MTARC2: variants seen among roughly 807,000 people sequenced by gnomAD.
The protein encoded by MTARC2 is mitochondrial amidoxime reducing component 2, also known as MOCO sulphurase C-terminal domain containing 2.
Under a neutral mutation model 35.6 loss-of-function variants are expected in MTARC2, and 27 were observed. That is an observed-to-expected ratio of 0.76 (90% CI 0.56 to 1.04). MTARC2 has a LOEUF of 1.04. Ranked by LOEUF, MTARC2 falls within the 50% of genes least tolerant of loss-of-function variation. The pLI is 0.00. For synonymous variants in MTARC2, 158 were observed against 167.1 expected (o/e 0.95, Z 0.42); for missense variants, 412 against 432.5 (o/e 0.95, Z 0.42).
At chr1:220,767,542 C>A (rs900429462) in intron 4 of MTARC2, among the ~76,000 whole-genome samples, 1 of 152,154 alleles carries the variant, frequency 6.6e-6, no homozygotes, top group Admixed American at 6.5e-5. Context: ...GGGAATGCAG[C>A]AAAATGAAGT....
intron 4 of MTARC2, among the ~76,000 whole-genome samples, chr1:220,769,078 CT>C (rs1427891821): frequency 1.3e-5 from 2 of 152,192 alleles, no homozygotes; most frequent in East Asian, 3.8e-4. Flanking sequence ...AACAGAACTC[CT>C]TTACTTAAGG....
At chr1:220,774,273 T>C (rs1671830332) in intron 4 of MTARC2, among the ~76,000 whole-genome samples, 1 of 152,118 alleles carries the variant, frequency 6.6e-6, no homozygotes, top group Admixed American at 6.5e-5. Flanking sequence ...TATCATGTTG[T>C]CTAGACTGGG....
rs942900110 is a variant in MTARC2, at chr1:220,754,409, G to A, written c.273-538G>A. ...GGAAAGGCTGTTTGGGAGGTTTCCT[G>A]ATGTAGGACCCCCGCATGCCGCGGC... On this transcript the variant is annotated intron_variant, in intron 1 of 7. Coordinates refer to ENST00000366913, the MANE Select transcript of MTARC2 (RefSeq NM_017898.5). 5.5e-5 allele frequency: 25 copies of A among 456,208 alleles called. No homozygotes were observed. In the Admixed American group the frequency reaches 5.9e-4, roughly 11 times the overall value. 28.3% of individuals were successfully genotyped at this position (456,208 alleles called of 1,614,324 possible). A position where few individuals can be genotyped will look rare whatever the true frequency, so the allele number is the denominator to read the frequency against.
chr1:220,770,476 G>A (rs1024489445), intron 4 of MTARC2: 3 of 985,304 alleles, frequency 3.0e-6, no homozygotes, highest in African/African-American at 1.7e-5. Flanking sequence ...CCCTTGTAAG[G>A]AGAGGTCATT....
At chr1:220,756,474 G>A (rs541062828) in intron 2 of MTARC2, 2 of 152,292 alleles carry the variant, frequency 1.3e-5, no homozygotes, top group Admixed American at 1.3e-4. Context: ...CTTTACAAAC[G>A]AGGAAACCAC....
chr1:220,763,644 T>C (rs1671500617), intron 4 of MTARC2, among the ~76,000 whole-genome samples: 1 of 152,142 alleles, frequency 6.6e-6, no homozygotes, highest in Admixed American at 6.5e-5. Context: ...GTATGTGATA[T>C]ATATATAGCT....
At chr1:220,778,518 T>C (rs1275859785) in intron 4 of MTARC2, among the ~76,000 whole-genome samples, 1 of 152,142 alleles carries the variant, frequency 6.6e-6, no homozygotes, top group South Asian at 2.1e-4. Flanking sequence ...AAACCATTCA[T>C]GAAAGATCCA....
At position 220,754,997 on chromosome 1, in the gene MTARC2, A is replaced by C. The variant is rs1201440122; in HGVS notation, c.323A>C (p.Glu108Ala). The stretch of plus-strand genomic sequence containing the variant: ...GGACACATGGTCACTGCCCGACAGG[A>C]GCCTCGCCTCGTGCTCATCTCCATC... ...EDGHMVTARQ[E>A]PRLVLISIIY... is the part of the protein sequence containing the mutation. The change falls in exon 2 of 8, where the codon GAG becomes GCG. Residue 108 changes from glutamate to alanine, a missense_variant. Physicochemically the swap from Glu to Ala is moderately radical, Grantham distance 107. Coordinates refer to ENST00000366913, the MANE Select transcript of MTARC2 (RefSeq NM_017898.5). The C allele has an allele frequency of 1.2e-6, 2 of 1,611,674 alleles. No homozygotes were observed. Among genetic ancestry groups the C allele is most frequent in the Non-Finnish European group, 1.7e-6 (2 of 1,178,978 alleles).
chr1:220,775,681 T>C (rs113326332), intron 4 of MTARC2, among the ~76,000 whole-genome samples: 3,612 of 152,270 alleles, frequency 0.024, 109 homozygotes, highest in African/African-American at 0.064. Flanking sequence ...CTCTTCCTAC[T>C]CTCCACCCTC....
chr1:220,773,821 A>AT lies in MTARC2; in HGVS notation c.751-6197_751-6196insT, dbSNP rs1295544379. On this transcript the variant is annotated intron_variant, in intron 4 of 7. Transcript: ENST00000366913. ...TAAAAAATAAAGCAAAAAAGGCAAA[A>AT]GAAAAAAATTAAGATTTATTATGAA... Among the ~76,000 whole-genome samples, 9 of 152,320 alleles carry AT rather than the reference A, an allele frequency of 5.9e-5. No homozygotes were observed. In the East Asian group the frequency reaches 1.7e-3, roughly 29 times the overall value.
intron 4 of MTARC2, among the ~76,000 whole-genome samples, chr1:220,769,584 G>C (rs1032225760): frequency 6.6e-6 from 1 of 152,108 alleles, no homozygotes; most frequent in Non-Finnish European, 1.5e-5. Flanking sequence ...CAGGAGTTGC[G>C]GATGTGCCTG....
At chr1:220,763,890 T>A (rs1054879816) in intron 4 of MTARC2, among the ~76,000 whole-genome samples, 1 of 152,196 alleles carries the variant, frequency 6.6e-6, no homozygotes, top group Non-Finnish European at 1.5e-5. Context: ...TCAGAGGTGT[T>A]ATACACTTTG....
At chr1:220,775,900 A>G (rs1671893135) in intron 4 of MTARC2, among the ~76,000 whole-genome samples, 1 of 152,326 alleles carries the variant, frequency 6.6e-6, no homozygotes, top group South Asian at 2.1e-4. Flanking sequence ...GTGTATGTAT[A>G]CCACATTTTC....
rs115609986 is a variant in MTARC2, at chr1:220,783,477, T to C, written c.*32-442T>C. Among the ~76,000 whole-genome samples the C allele has an allele frequency of 7.9e-3, 1,196 of 152,326 alleles. 20 individuals carry two copies. Among genetic ancestry groups the C allele is most frequent in the African/African-American group, 0.027 (1,134 of 41,566 alleles). On this transcript the variant is annotated intron_variant, in intron 7 of 7. Coordinates refer to ENST00000366913, the MANE Select transcript of MTARC2 (RefSeq NM_017898.5). ...GTGAGCCAAGGGCTTTCATGTGTTC[T>C]CTGCATCTGAGGGAGCCCAATGGCT... is the stretch of plus-strand genomic sequence containing the variant.
At chr1:220,770,046 G>T (rs1490495400) in intron 4 of MTARC2, among the ~76,000 whole-genome samples, 1 of 151,682 alleles carries the variant, frequency 6.6e-6, no homozygotes, top group Non-Finnish European at 1.5e-5. Context: ...GGCGGAGCTT[G>T]CAGTGAGCCG....
At chr1:220,749,780 G>A (rs1417772164) in intron 1 of MTARC2, among the ~76,000 whole-genome samples, 2 of 152,126 alleles carry the variant, frequency 1.3e-5, no homozygotes, top group African/African-American at 4.8e-5. Context: ...GCCTGTGTCC[G>A]AGGGGAGGGA....
intron 1 of MTARC2, among the ~76,000 whole-genome samples, chr1:220,749,432 T>G (rs755795288): frequency 1.7e-5 from 2 of 118,920 alleles, no homozygotes; most frequent in Non-Finnish European, 2.0e-5. Context: ...TTCTTCTTTT[T>G]TTTTTTTTTT....
chr1:220,769,266 C>T (rs1015226899), intron 4 of MTARC2, among the ~76,000 whole-genome samples: 1 of 152,234 alleles, frequency 6.6e-6, no homozygotes, highest in Non-Finnish European at 1.5e-5. Context: ...GTTCCTTCCG[C>T]ACAGCCTCAC....
At chr1:220,763,072 T>C (rs1572301049) in intron 4 of MTARC2, 22 bp downstream of exon 4, 1 of 1,614,184 alleles carries the variant, frequency 6.2e-7, no homozygotes, top group Non-Finnish European at 8.5e-7. Context: ...ACTGCTTTTG[T>C]GCATCATGCT....
Sources: allele counts gnomAD v4.1 joint callset (sites outside exome capture counted in the v4.1 genomes callset), GRCh38; gene constraint gnomAD v4.1.1; transcripts MANE v1.5; gene names NCBI Gene and HGNC (gene_info 2026-07-23, HGNC 2026-07-21).